KDM5A: variants seen among roughly 807,000 people sequenced by gnomAD.
KDM5A encodes the protein lysine demethylase 5A, also known as lysine-specific demethylase 5A.
In KDM5A, 42 loss-of-function variants were observed where a neutral mutation model predicts 193.5. The ratio of observed to expected loss-of-function variants is 0.22; its 90% CI spans 0.17 to 0.28. The LOEUF (loss-of-function observed/expected upper bound fraction) is 0.28, where lower values mean the gene tolerates loss of function less well. Ranked by LOEUF, KDM5A falls within the 10% of genes least tolerant of loss-of-function variation. The pLI, the probability that KDM5A is intolerant of heterozygous loss-of-function variation, is 1.00. For missense variants in KDM5A, 1,692 were observed against 2,055.1 expected (o/e 0.82, Z 3.42); for synonymous variants, 796 against 718.1 (o/e 1.11, Z -1.73).
chr12:296,476 A>G lies in KDM5A; in HGVS notation c.4234+565T>C, dbSNP rs1336849319. On this transcript the variant is annotated intron_variant, in intron 25 of 27. Coordinates refer to ENST00000399788, the MANE Select transcript of KDM5A (RefSeq NM_001042603.3). Reference sequence around the variant, plus strand: ...TAAAGCATTTGGCTGCCTTATATAAATAACTGGTTGTCTTTCTAATGAACA... The same window carrying G: ...TAAAGCATTTGGCTGCCTTATATAAGTAACTGGTTGTCTTTCTAATGAACA... 2.6e-5 allele frequency among the ~76,000 whole-genome samples: 4 copies of G among 152,308 alleles called. No homozygotes were observed. The East Asian group carries it at 5.8e-4, about 22-fold the overall frequency.
At chr12:387,333 A>C (rs1944649178) in intron 1 of KDM5A, 1 of 296,472 alleles carries the variant, frequency 3.4e-6, no homozygotes, top group East Asian at 1.2e-4. Context: ...CATAAAGAGA[A>C]AGCATTATTT....
rs746437659 is a variant in KDM5A, at chr12:389,107, G to C, written c.-16C>G. ...CGCCCGCCATTGCAACGGCCGGGGG[G>C]GGGGGGGGGTCCCCGTGGGGAACCG... On this transcript the variant is annotated 5_prime_UTR_variant, in exon 1 of 28. Transcript: ENST00000399788. The C allele has an allele frequency of 2.5e-3, 3,799 of 1,529,260 alleles. 3 individuals carry two copies. The highest frequency in any genetic ancestry group is 0.012 in the East Asian group (471 of 38,818). The allele number at this position is 1,529,260 out of a possible 1,614,324, so 94.7% of individuals were successfully genotyped here. A position where few individuals can be genotyped will look rare whatever the true frequency, so the allele number is the denominator to read the frequency against.
At chr12:348,226 A>T (rs558369248) in intron 10 of KDM5A, among the ~76,000 whole-genome samples, 16 of 152,310 alleles carry the variant, frequency 1.1e-4, no homozygotes, top group Admixed American at 5.9e-4. Flanking sequence ...ACCATCTCAC[A>T]CCAGTTAGAA....
At chr12:312,918 GTC>G in intron 20 of KDM5A, 136 bp downstream of exon 20, 1 of 1,028,464 alleles carries the variant, frequency 9.7e-7, no homozygotes, top group Non-Finnish European at 1.5e-6. Flanking sequence ...CCATCATAAA[GTC>G]TAAAAATCAC....
chr12:318,843 G>A (rs1292033119), intron 18 of KDM5A, among the ~76,000 whole-genome samples: 1 of 152,162 alleles, frequency 6.6e-6, no homozygotes, highest in Non-Finnish European at 1.5e-5. Flanking sequence ...CAAGCGCTCT[G>A]AAAATAAAAT....
At chr12:288,664 T>G (rs1165801281) in intron 27 of KDM5A, among the ~76,000 whole-genome samples, 1 of 152,248 alleles carries the variant, frequency 6.6e-6, no homozygotes, top group East Asian at 1.9e-4. Context: ...TATTTTGGCA[T>G]TTAATATCTT....
In KDM5A at chr12:283,927, C is replaced by T. The variant is rs1389978795; in HGVS notation, c.*1529G>A. On this transcript the variant is annotated 3_prime_UTR_variant, in exon 28 of 28. Coordinates refer to ENST00000399788, the MANE Select transcript of KDM5A (RefSeq NM_001042603.3). ...CAACAGGAGGGAAGAGGACACAGCA[C>T]CATAGTTTCAAACATTCACACACAA... 3 of 233,182 alleles carry T rather than the reference C, an allele frequency of 1.3e-5. No homozygotes were observed. The highest frequency in any genetic ancestry group is 2.5e-5 in the Non-Finnish European group (3 of 117,948). The allele number at this position is 233,182 out of a possible 1,614,324, so 14.4% of individuals were successfully genotyped here.
chr12:332,319 A>T (rs1243153214), intron 12 of KDM5A, among the ~76,000 whole-genome samples: 2 of 152,202 alleles, frequency 1.3e-5, no homozygotes, highest in African/African-American at 2.4e-5. Flanking sequence ...TTTGGAACTA[A>T]CTAAATTAAC....
chr12:355,513 A>G (rs34905395), intron 6 of KDM5A, among the ~76,000 whole-genome samples: 1,639 of 152,350 alleles, frequency 0.011, 14 homozygotes, highest in Middle Eastern at 0.027. Context: ...TTAATGTTGT[A>G]TGTGTATGCA....
Position 307,009 on chromosome 12 carries a change from G to A in KDM5A, c.4011C>T (p.Asp1337=). 1 of 1,613,712 alleles carries A rather than the reference G, an allele frequency of 6.2e-7. No individual in the cohort carries two copies. Among genetic ancestry groups the A allele is most frequent in the Non-Finnish European group, 8.5e-7 (1 of 1,179,930 alleles). ...SVSSSPRQTM[D]YDDEETDSDE... ...CAGAGTCTGTTTCTTCATCATCATA[G>A]TCCATTGTTTGTCGAGGAGAAGATG... The change falls in exon 24 of 28, where the codon GAC becomes GAT. Residue 1337 remains aspartate, a synonymous_variant. Transcript: ENST00000399788. This position sits in a 1 kb window ranked among gnomAD's most constrained non-coding sequence, Gnocchi z 4.3.
chr12:385,749 C>G (rs1229394059), intron 2 of KDM5A, 148 bp downstream of exon 2: 1 of 672,900 alleles, frequency 1.5e-6, no homozygotes. Flanking sequence ...AAAAATCATA[C>G]TCTTCCTCCA....
Position 323,118 on chromosome 12 carries a change from T to C in KDM5A, c.2239A>G (p.Thr747Ala). 6.3e-7 allele frequency: 1 copy of C among 1,595,858 alleles called. No homozygotes were observed. Among genetic ancestry groups the C allele is most frequent in the Middle Eastern group, 1.7e-4 (1 of 5,984 alleles). The stretch of plus-strand genomic sequence containing the variant: ...TTGAAGTTAGCAGACAATGCTTCTG[T>C]AACACGACTGACCCAAGTGTCATAG... Reference protein sequence around the residue: ...QSYDTWVSRVTEALSANFNHK... With the variant: ...QSYDTWVSRVAEALSANFNHK... Residue 747 changes from threonine (T) to alanine (A), a missense_variant, in exon 16 of 28, where the codon ACA becomes GCA. Thr to Ala is a moderately conservative substitution (Grantham distance 58). Coordinates refer to ENST00000399788, the MANE Select transcript of KDM5A (RefSeq NM_001042603.3).
chr12:308,177 A>G (rs1396199528), intron 22 of KDM5A, among the ~76,000 whole-genome samples, 172 bp from the exon 23 acceptor site: 1 of 152,162 alleles, frequency 6.6e-6, no homozygotes. Flanking sequence ...GAAATGGGCA[A>G]AGTGCTATCA....
chr12:382,388 G>A (rs775075478), intron 3 of KDM5A, among the ~76,000 whole-genome samples: 27 of 151,944 alleles, frequency 1.8e-4, no homozygotes, highest in Admixed American at 4.6e-4. Flanking sequence ...ACTTGAACCC[G>A]GGAGGTGGAG....
intron 22 of KDM5A, among the ~76,000 whole-genome samples, chr12:308,338 G>A (rs372428606): frequency 1.5e-4 from 23 of 152,172 alleles, no homozygotes; most frequent in African/African-American, 4.6e-4. Context: ...CAGAACGTCC[G>A]TTTTCTGAAA....
At chr12:343,430 C>T (rs2137438022) in intron 10 of KDM5A, among the ~76,000 whole-genome samples, 1 of 151,682 alleles carries the variant, frequency 6.6e-6, no homozygotes, top group South Asian at 2.1e-4. Flanking sequence ...GGCATTTCAC[C>T]TCTGAGAATG....
intron 10 of KDM5A, among the ~76,000 whole-genome samples, chr12:335,836 G>GT (rs1425258709): frequency 6.6e-6 from 1 of 151,404 alleles, no homozygotes; most frequent in Non-Finnish European, 1.5e-5. Context: ...GAGGTCAGGA[G>GT]TTTGAGACCA....
chr12:299,517 A>T (rs1379079651), intron 24 of KDM5A, among the ~76,000 whole-genome samples: 1 of 152,230 alleles, frequency 6.6e-6, no homozygotes, highest in East Asian at 1.9e-4. Flanking sequence ...TCTCACCACC[A>T]GACCTGCCTT....
intron 19 of KDM5A, among the ~76,000 whole-genome samples, chr12:316,483 A>G (rs902354993): frequency 2.0e-5 from 3 of 152,186 alleles, no homozygotes; most frequent in African/African-American, 7.2e-5. Flanking sequence ...TGAAAGAGAG[A>G]TATGAAAGAC....
Sources: allele counts gnomAD v4.1 joint callset (sites outside exome capture counted in the v4.1 genomes callset), GRCh38; gene constraint gnomAD v4.1.1; non-coding constraint Gnocchi (gnomAD v3.1); transcripts MANE v1.5; gene names NCBI Gene and HGNC (gene_info 2026-07-23, HGNC 2026-07-21).